ASIP: variants seen among roughly 807,000 people sequenced by gnomAD.
The protein encoded by ASIP is agouti-signaling protein.
ASIP carries 11 observed loss-of-function variants against 10.3 expected under a neutral mutation model. That is an observed-to-expected ratio of 1.07 (90% confidence interval 0.68 to 1.78). The LOEUF (loss-of-function observed/expected upper bound fraction) is 1.78. Among genes scored for constraint, ASIP ranks in the 40% most tolerant of loss-of-function variants. The probability of loss-of-function intolerance (pLI) is 0.00; values close to 1 mark genes in which losing one functional copy is unlikely to be tolerated. For synonymous variants in ASIP, 70 were observed against 70.8 expected (o/e 0.99, Z 0.06); for missense variants, 180 against 169.2 (o/e 1.06, Z -0.35).
At position 34,269,087 on chromosome 20, in the gene ASIP, T is replaced by A; in HGVS notation, c.319T>A (p.Cys107Ser). 6.3e-7 allele frequency: 1 copy of A among 1,579,992 alleles called. No individual in the cohort carries two copies. Among genetic ancestry groups the A allele is most frequent in the Non-Finnish European group, 8.6e-7 (1 of 1,163,856 alleles). The change falls in exon 4 of 4, where the codon TGC becomes AGC. Residue 107 changes from cysteine to serine, a missense_variant. Physicochemically the swap from Cys to Ser is moderately radical, Grantham distance 112 (BLOSUM62 -1). Coordinates refer to ENST00000374954, the MANE Select transcript of ASIP (RefSeq NM_001672.3). ...RNSCKPPAPA[C>S]CDPCASCQCR... ...CAGCTGCAAGCCGCCGGCACCCGCC[T>A]GCTGCGACCCGTGCGCCTCCTGCCA...
At chr20:34,263,675 C>T (rs60661867) in intron 3 of ASIP, among the ~76,000 whole-genome samples, 16,265 of 125,398 alleles carry the variant, frequency 0.13, 2,840 homozygotes, top group African/African-American at 0.41. Context: ...TTTTTTTTTT[C>T]TTTTTTTTTG....
chr20:34,234,035 A>AT (rs2035145667), intron 1 of ASIP, among the ~76,000 whole-genome samples: 1 of 152,224 alleles, frequency 6.6e-6, no homozygotes, highest in East Asian at 1.9e-4. Flanking sequence ...ATTCAGAAAC[A>AT]CAGAGTCCCT....
chr20:34,194,779 A>G (rs997786401), intron 1 of ASIP: 2 of 152,088 alleles, frequency 1.3e-5, no homozygotes, highest in African/African-American at 4.8e-5. Context: ...CAGGGAGGGA[A>G]GAAGAAATTT....
chr20:34,203,158 A>G (rs2034912112), intron 1 of ASIP, among the ~76,000 whole-genome samples: 1 of 151,912 alleles, frequency 6.6e-6, no homozygotes, highest in Non-Finnish European at 1.5e-5. Context: ...AATTCTACCA[A>G]AAAAAACCCT....
chr20:34,249,323 C>T (rs1171180242), intron 1 of ASIP, among the ~76,000 whole-genome samples: 1 of 150,382 alleles, frequency 6.6e-6, no homozygotes, highest in African/African-American at 2.5e-5. Flanking sequence ...AATCCCCTAT[C>T]TCCTCGCCTC....
chr20:34,227,579 C>T (rs1450937077), intron 1 of ASIP, among the ~76,000 whole-genome samples: 5 of 147,808 alleles, frequency 3.4e-5, no homozygotes, highest in African/African-American at 5.1e-5. Flanking sequence ...TGCAGTGAGC[C>T]GAGATTGTGC....
rs1347420217 is a variant in ASIP, at chr20:34,235,849, G to A, written c.-10-24516G>A. On this transcript the variant is annotated intron_variant, in intron 1 of 3. Transcript: ENST00000568305. ...AGAAAGAAAGAAAGAAAGAAGGAAGGAAGGAAGGAAGGAAGGAAAGGAAGG... is the reference window on the plus strand; with the variant it reads ...AGAAAGAAAGAAAGAAAGAAGGAAGAAAGGAAGGAAGGAAGGAAAGGAAGG... 3.4e-4 allele frequency among the ~76,000 whole-genome samples: 15 copies of A among 44,570 alleles called. No individual in the cohort carries two copies. In the African/African-American group the frequency reaches 4.9e-3, roughly 14 times the overall value. The allele number at this position is 44,570 out of a possible 152,430, so 29.2% of individuals were successfully genotyped here. A position where few individuals can be genotyped will look rare whatever the true frequency, so the allele number is the denominator to read the frequency against.
intron 1 of ASIP, among the ~76,000 whole-genome samples, chr20:34,203,228 C>T (rs2034912638): frequency 1.3e-5 from 2 of 151,988 alleles, no homozygotes; most frequent in South Asian, 4.1e-4. Context: ...AAAGTCTTTA[C>T]AATATTAAAT....
At chr20:34,234,267 ATCTGCCAG>A (rs1412481823) in intron 1 of ASIP, among the ~76,000 whole-genome samples, 2 of 152,216 alleles carry the variant, frequency 1.3e-5, no homozygotes, top group Non-Finnish European at 2.9e-5. Flanking sequence ...AGTGCCTTTA[ATCTGCCAG>A]TCTGTAATCT....
Position 34,213,737 on chromosome 20 carries a change from G to A in ASIP, c.-11+18977G>A, listed in dbSNP as rs1238956923. 7.3e-6 allele frequency: 11 copies of A among 1,507,490 alleles called. No homozygotes were observed. In the African/African-American group the frequency reaches 8.3e-5, roughly 11 times the overall value. The allele number at this position is 1,507,490 out of a possible 1,614,324, so 93.4% of individuals were successfully genotyped here. A position where few individuals can be genotyped will look rare whatever the true frequency, so the allele number is the denominator to read the frequency against. On this transcript the variant is annotated intron_variant, in intron 1 of 3. Transcript: ENST00000568305. ...TCTTCCTCCAGGCAAATAATCATTC[G>A]ATGAAGGAAAGTACAGACTCCACTT...
chr20:34,208,255 A>G (rs563043235), intron 1 of ASIP, among the ~76,000 whole-genome samples: 1 of 152,156 alleles, frequency 6.6e-6, no homozygotes, highest in East Asian at 1.9e-4. Flanking sequence ...TTTCTGTTTG[A>G]TCAGGATAGC....
intron 1 of ASIP, among the ~76,000 whole-genome samples, chr20:34,232,779 TAGTGTCAG>T (rs2035130563): frequency 6.6e-6 from 1 of 152,186 alleles, no homozygotes; most frequent in South Asian, 2.1e-4. Flanking sequence ...ACAGAAGGCA[TAGTGTCAG>T]GCCATGTCCA....
intron 1 of ASIP, among the ~76,000 whole-genome samples, chr20:34,252,509 C>T (rs2035493587): frequency 6.6e-6 from 1 of 152,190 alleles, no homozygotes; most frequent in Admixed American, 6.5e-5. Flanking sequence ...GTCAGTATAT[C>T]TCCCCTCTAG....
At chr20:34,257,493 CAA>C (rs2035594088) in intron 1 of ASIP, among the ~76,000 whole-genome samples, 1 of 152,030 alleles carries the variant, frequency 6.6e-6, no homozygotes, top group African/African-American at 2.4e-5. Flanking sequence ...AAATTAAAAA[CAA>C]TATTGCTTTT....
intron 1 of ASIP, among the ~76,000 whole-genome samples, chr20:34,230,780 G>C (rs867362783): frequency 0.098 from 3,561 of 36,328 alleles, 633 homozygotes; most frequent in East Asian, 0.19. Context: ...TGACCCCCCC[G>C]CACCTCCCTC....
At chr20:34,267,539 T>A (rs1188580761) in intron 3 of ASIP, among the ~76,000 whole-genome samples, 2 of 151,910 alleles carry the variant, frequency 1.3e-5, no homozygotes, top group Non-Finnish European at 2.9e-5. Context: ...TTTATTTATT[T>A]ATTTTTTTTG....
At position 34,216,549 on chromosome 20, in the gene ASIP, T is replaced by A. The variant is rs998913920; in HGVS notation, c.-11+21789T>A. Among the ~76,000 whole-genome samples the A allele has an allele frequency of 2.0e-5, 3 of 152,268 alleles. No homozygotes were observed. The East Asian group carries it at 5.8e-4, about 29-fold the overall frequency. ...TCACAAAGATATACTTCTAGAAGTT[T>A]TATGGTTCTAGTTTTTAATGTAGGT... is the stretch of plus-strand genomic sequence containing the variant. On this transcript the variant is annotated intron_variant, in intron 1 of 3. Coordinates refer to the ASIP transcript ENST00000568305.
intron 1 of ASIP, among the ~76,000 whole-genome samples, chr20:34,223,287 C>T (rs1005303865): frequency 2.6e-5 from 4 of 151,012 alleles, no homozygotes; most frequent in Admixed American, 6.6e-5. Flanking sequence ...GCCGCCCCGT[C>T]TGGGATGTGA....
At chr20:34,256,014 C>G (rs1303048967) in intron 1 of ASIP, among the ~76,000 whole-genome samples, 1 of 152,268 alleles carries the variant, frequency 6.6e-6, no homozygotes. Flanking sequence ...TGCTGTGCTT[C>G]AGCGGTCACG....
Sources: allele counts gnomAD v4.1 joint callset (sites outside exome capture counted in the v4.1 genomes callset), GRCh38; gene constraint gnomAD v4.1.1; transcripts MANE v1.5; gene names NCBI Gene and HGNC (gene_info 2026-07-23, HGNC 2026-07-21).